Variants in COL10A1 observed in about 807,000 individuals in gnomAD.
The protein encoded by COL10A1 is collagen alpha-1(X) chain.
Under a neutral mutation model 18.2 loss-of-function variants are expected in COL10A1, and 10 were observed. The observed-to-expected ratio is 0.55, with a 90% confidence interval of 0.34 to 0.93. The LOEUF is 0.93. Ranked by LOEUF, COL10A1 falls within the 40% of genes least tolerant of loss-of-function variation. The pLI is 0.02. For missense variants in COL10A1, 897 were observed against 853.5 expected (o/e 1.05, Z -0.64); for synonymous variants, 330 against 316.6 (o/e 1.04, Z -0.45).
chr6:116,197,406 T>A, the COL10A1 span, among the ~76,000 whole-genome samples: 2 of 152,016 alleles, frequency 1.3e-5, no homozygotes, highest in Non-Finnish European at 2.9e-5. Flanking sequence ...TTTAAAATGC[T>A]AAGCAGAATT....
chr6:116,144,228 G>A (rs377445875), intron 1 of COL10A1, among the ~76,000 whole-genome samples: 1 of 152,256 alleles, frequency 6.6e-6, no homozygotes, highest in East Asian at 1.9e-4. Context: ...AGGAGGCCAG[G>A]CACAGTGGCT....
At chr6:116,147,373 C>T (rs1779924385) in intron 1 of COL10A1, among the ~76,000 whole-genome samples, 1 of 151,612 alleles carries the variant, frequency 6.6e-6, no homozygotes, top group Non-Finnish European at 1.5e-5. Context: ...ACCCGGGAGG[C>T]AGAGGTTGCA....
At chr6:116,122,323 T>A (rs1266629855) in intron 2 of COL10A1, among the ~76,000 whole-genome samples, 2 of 152,178 alleles carry the variant, frequency 1.3e-5, no homozygotes, top group African/African-American at 4.8e-5. Flanking sequence ...GCAGAATAAG[T>A]GAGAAAATGT....
At chr6:116,201,805 C>A in the COL10A1 span, among the ~76,000 whole-genome samples, 2 of 151,958 alleles carry the variant, frequency 1.3e-5, no homozygotes, top group African/African-American at 4.8e-5. Context: ...TGCACTGAAG[C>A]CTTGGCATGG....
At chr6:116,145,448 G>A in intron 1 of COL10A1, 1 of 387,320 alleles carries the variant, frequency 2.6e-6, no homozygotes, top group South Asian at 2.0e-5. Context: ...TAAGAAGATT[G>A]GCCACATCCT....
At chr6:116,185,859 T>C in the COL10A1 span, among the ~76,000 whole-genome samples, 1 of 152,152 alleles carries the variant, frequency 6.6e-6, no homozygotes, top group Non-Finnish European at 1.5e-5. Context: ...TTAGGCCCTT[T>C]ACATTCAACG....
chr6:116,127,011 A>G (rs2114315458), upstream of COL10A1, among the ~76,000 whole-genome samples: 1 of 152,306 alleles, frequency 6.6e-6, no homozygotes, highest in East Asian at 1.9e-4. Context: ...GGATCCTAAA[A>G]AATCTAATAA....
the COL10A1 span, among the ~76,000 whole-genome samples, chr6:116,175,160 T>C: frequency 6.6e-6 from 1 of 152,214 alleles, no homozygotes; most frequent in Non-Finnish European, 1.5e-5. Context: ...CTGACTCATA[T>C]ATACATTTGT....
upstream of COL10A1, among the ~76,000 whole-genome samples, chr6:116,162,768 T>G (rs985212734): frequency 6.6e-6 from 1 of 152,146 alleles, no homozygotes. Context: ...GATCTTGTTA[T>G]TAGCATGATA....
the COL10A1 span, among the ~76,000 whole-genome samples, chr6:116,206,189 G>C: frequency 3.7e-3 from 569 of 152,106 alleles, 4 homozygotes; most frequent in Middle Eastern, 0.034. Flanking sequence ...GCAATTCCAT[G>C]ATGCAGTGTG....
the COL10A1 span, among the ~76,000 whole-genome samples, chr6:116,187,713 C>T: frequency 6.6e-6 from 1 of 151,976 alleles, no homozygotes; most frequent in African/African-American, 2.4e-5. Context: ...ATCAATTTCA[C>T]ATGGATTATA....
At chr6:116,214,798 T>C in the COL10A1 span, among the ~76,000 whole-genome samples, 2 of 151,794 alleles carry the variant, frequency 1.3e-5, no homozygotes, top group Non-Finnish European at 2.9e-5. Context: ...TGTGCACATG[T>C]ACCCTAAAAC....
chr6:116,155,773 G>T (rs866615757), intron 1 of COL10A1, among the ~76,000 whole-genome samples: 2 of 141,398 alleles, frequency 1.4e-5, no homozygotes, highest in African/African-American at 2.6e-5. Context: ...AAAAAAAAAA[G>T]AGGGAGGAAG....
At chr6:116,131,262 T>C (rs1414191653) in intron 1 of COL10A1, among the ~76,000 whole-genome samples, 1 of 152,164 alleles carries the variant, frequency 6.6e-6, no homozygotes, top group African/African-American at 2.4e-5. Context: ...ATTTCTGAAG[T>C]CAAATTTATA....
At chr6:116,183,257 T>A in the COL10A1 span, among the ~76,000 whole-genome samples, 1 of 152,180 alleles carries the variant, frequency 6.6e-6, no homozygotes, top group African/African-American at 2.4e-5. Flanking sequence ...ACCATTACTG[T>A]GCTGTTTTGG....
the COL10A1 span, among the ~76,000 whole-genome samples, chr6:116,206,276 A>T: frequency 7.2e-5 from 11 of 152,128 alleles, no homozygotes; most frequent in Non-Finnish European, 1.3e-4. Flanking sequence ...TAGCTCTAAC[A>T]CAAAATTTTT....
chr6:116,148,546 T>A (rs1216154070), intron 1 of COL10A1, among the ~76,000 whole-genome samples: 1 of 152,162 alleles, frequency 6.6e-6, no homozygotes, highest in Non-Finnish European at 1.5e-5. Context: ...TTCATTGTAC[T>A]CAGAATGTGA....
At chr6:116,166,972 G>A in the COL10A1 span, among the ~76,000 whole-genome samples, 1 of 151,972 alleles carries the variant, frequency 6.6e-6, no homozygotes, top group African/African-American at 2.4e-5. Flanking sequence ...TTGTTTTGGG[G>A]AGCCTACTCT....
At chr6:116,197,966 A>G in the COL10A1 span, among the ~76,000 whole-genome samples, 1 of 152,082 alleles carries the variant, frequency 6.6e-6, no homozygotes, top group Non-Finnish European at 1.5e-5. Flanking sequence ...GAATTTTGTC[A>G]TAGAGGGCAG....
Sources: allele counts gnomAD v4.1 joint callset (sites outside exome capture counted in the v4.1 genomes callset), GRCh38; gene constraint gnomAD v4.1.1; transcripts MANE v1.5; gene names NCBI Gene and HGNC (gene_info 2026-07-23, HGNC 2026-07-21).